Variants in ABCA13 observed in about 807,000 individuals in gnomAD.
ABCA13 encodes the protein ATP-binding cassette sub-family A member 13.
Under a neutral mutation model 478.7 loss-of-function variants are expected in ABCA13, and 476 were observed. The ratio of observed to expected loss-of-function variants is 0.99; its 90% CI spans 0.92 to 1.07. The LOEUF (loss-of-function observed/expected upper bound fraction) is 1.07. ABCA13 is among the 50% of genes least tolerant of loss of function. The pLI is 0.00. For synonymous variants in ABCA13, 2,252 were observed against 2,158.9 expected (o/e 1.04, Z -1.20); for missense variants, 6,060 against 5,910.6 (o/e 1.03, Z -0.83).
chr7:48,295,349 G>T (rs1428354554), intron 20 of ABCA13, among the ~76,000 whole-genome samples: 1 of 152,162 alleles, frequency 6.6e-6, no homozygotes, highest in Admixed American at 6.5e-5. Flanking sequence ...GTCTGTTCAG[G>T]TTCTTTGACC....
At position 48,332,391 on chromosome 7, in the gene ABCA13, T is replaced by TC. The variant is rs1255344205; in HGVS notation, c.10000-3031_10000-3030insC. Among the ~76,000 whole-genome samples, 3 of 152,358 alleles carry TC rather than the reference T, an allele frequency of 2.0e-5. No homozygotes were observed. In the East Asian group the frequency reaches 5.8e-4, roughly 29 times the overall value. On this transcript the variant is annotated intron_variant, in intron 27 of 61. Transcript: ENST00000435803. ...GACATACACACGTGGCTTACCACAG[T>TC]TCATTGGCATTGAGATTTTACCACT... is the stretch of plus-strand genomic sequence containing the variant.
chr7:48,478,465 C>T lies in ABCA13; in HGVS notation c.12976-2571C>T, dbSNP rs549156674. Among the ~76,000 whole-genome samples the T allele has an allele frequency of 5.3e-5, 8 of 151,908 alleles. No individual in the cohort carries two copies. The South Asian group carries it at 1.7e-3, about 32-fold the overall frequency. ...AAAAGCAGATTAATTGGAGAAAAGG[C>T]ATATGAATTCTTTTAACATGTACAG... is the stretch of plus-strand genomic sequence containing the variant. On this transcript the variant is annotated intron_variant, in intron 45 of 61. Transcript: ENST00000435803.
At chr7:48,241,474 G>T (rs372133741) in intron 10 of ABCA13, among the ~76,000 whole-genome samples, 10 of 152,156 alleles carry the variant, frequency 6.6e-5, no homozygotes, top group Non-Finnish European at 1.5e-4. Context: ...TAAAGATTTT[G>T]TATAGTTGAA....
intron 6 of ABCA13, 116 bp from the exon 7 acceptor site, chr7:48,229,709 A>G: frequency 3.3e-6 from 4 of 1,223,568 alleles, no homozygotes; most frequent in Non-Finnish European, 4.7e-6. Context: ...TGGTCCAGCC[A>G]CATCTTGCAA....
chr7:48,457,455 C>T (rs912220491), intron 43 of ABCA13, among the ~76,000 whole-genome samples: 8 of 152,116 alleles, frequency 5.3e-5, no homozygotes, highest in Admixed American at 2.0e-4. Flanking sequence ...TTCACTTTCT[C>T]TACTGCATTG....
intron 1 of ABCA13, among the ~76,000 whole-genome samples, chr7:48,180,958 C>A (rs1239491567): frequency 6.6e-6 from 1 of 152,126 alleles, no homozygotes; most frequent in East Asian, 1.9e-4. Context: ...AACCTACCAA[C>A]AACAAAACAA....
intron 55 of ABCA13, among the ~76,000 whole-genome samples, chr7:48,550,304 T>C (rs962405747): frequency 6.6e-6 from 1 of 150,984 alleles, no homozygotes; most frequent in Admixed American, 6.7e-5. Flanking sequence ...TTGCCCAGGC[T>C]GGATTGCAGT....
chr7:48,376,627 T>A, intron 35 of ABCA13, 55 bp downstream of exon 35: 1 of 1,539,314 alleles, frequency 6.5e-7, no homozygotes, highest in African/African-American at 1.4e-5. Context: ...ACAGTTTGAA[T>A]TAATATGCAT....
intron 58 of ABCA13, among the ~76,000 whole-genome samples, chr7:48,609,875 C>T (rs371801130): frequency 6.6e-6 from 1 of 152,168 alleles, no homozygotes; most frequent in East Asian, 1.9e-4. Context: ...GAAACCTGCC[C>T]CATGATCAAA....
chr7:48,460,034 T>C (rs1285201021), intron 43 of ABCA13, among the ~76,000 whole-genome samples: 1 of 152,046 alleles, frequency 6.6e-6, no homozygotes, highest in East Asian at 1.9e-4. Flanking sequence ...CCAAACTCTC[T>C]CTCTTTTTCT....
At chr7:48,409,269 A>G (rs577260810) in intron 39 of ABCA13, among the ~76,000 whole-genome samples, 1 of 152,354 alleles carries the variant, frequency 6.6e-6, no homozygotes, top group South Asian at 2.1e-4. Flanking sequence ...ATCTTTTTAC[A>G]TAACTGAATC....
At chr7:48,636,607 T>G (rs1192800293) in intron 59 of ABCA13, among the ~76,000 whole-genome samples, 1 of 152,230 alleles carries the variant, frequency 6.6e-6, no homozygotes, top group African/African-American at 2.4e-5. Context: ...CTCCAGTGCC[T>G]GGGGAGCCAG....
At chr7:48,245,808 A>G in intron 12 of ABCA13, 55 bp from the exon 13 acceptor site, 1 of 1,525,678 alleles carries the variant, frequency 6.6e-7, no homozygotes, top group Middle Eastern at 1.8e-4. Flanking sequence ...GCCCATGAAG[A>G]GGGTATCTAA....
chr7:48,212,085 A>G (rs1203940480), intron 3 of ABCA13, among the ~76,000 whole-genome samples: 1 of 152,166 alleles, frequency 6.6e-6, no homozygotes, highest in East Asian at 1.9e-4. Context: ...CCACTTTATC[A>G]GCCTGTAGTG....
chr7:48,413,778 A>T (rs2129100813), intron 41 of ABCA13, among the ~76,000 whole-genome samples: 1 of 152,342 alleles, frequency 6.6e-6, no homozygotes, highest in South Asian at 2.1e-4. Flanking sequence ...AGATTGTGAA[A>T]CATAAAAAAT....
intron 35 of ABCA13, among the ~76,000 whole-genome samples, chr7:48,382,311 C>T (rs972475361): frequency 1.3e-5 from 2 of 152,172 alleles, no homozygotes; most frequent in African/African-American, 4.8e-5. Context: ...CATGTCCCTC[C>T]CCTGCATGAC....
chr7:48,374,955 C>T (rs1443131663), intron 34 of ABCA13, among the ~76,000 whole-genome samples: 2 of 152,138 alleles, frequency 1.3e-5, no homozygotes, highest in East Asian at 1.9e-4. Context: ...GGAGCCTGAA[C>T]GTTATGTGAA....
chr7:48,530,706 T>C lies in ABCA13; in HGVS notation c.14354+2361T>C, dbSNP rs530390436. On this transcript the variant is annotated intron_variant, in intron 55 of 61. Coordinates refer to ENST00000435803, the MANE Select transcript of ABCA13 (RefSeq NM_152701.5). ...CTTGCAGGAGTGAAGTGGTACCACA[T>C]TGTGTTTTGATTTGCATTTCCCTGA... Among the ~76,000 whole-genome samples, 139 of 152,292 alleles carry C rather than the reference T, an allele frequency of 9.1e-4. 1 individual carries two copies. Among genetic ancestry groups the C allele is most frequent in the South Asian group, 1.2e-3 (6 of 4,828 alleles).
chr7:48,529,797 T>C (rs891960463), intron 55 of ABCA13, among the ~76,000 whole-genome samples: 2 of 152,202 alleles, frequency 1.3e-5, no homozygotes, highest in African/African-American at 4.8e-5. Context: ...AAAATAAATA[T>C]AATTCATTTG....
Sources: gnomAD v4.1 joint callset for allele counts (sites outside exome capture counted in the v4.1 genomes callset) on GRCh38, gnomAD v4.1.1 for gene constraint, MANE v1.5 for transcripts, NCBI Gene and HGNC (gene_info 2026-07-23, HGNC 2026-07-21) for gene names.